Variants in IFT70B observed in about 807,000 individuals in gnomAD.
The protein encoded by IFT70B is intraflagellar transport 70B, also known as intraflagellar transport protein 70B.
chr2:177,552,231 A>G, the IFT70B span: 22 of 1,614,090 alleles, frequency 1.4e-5, no homozygotes, highest in African/African-American at 6.7e-5. Flanking sequence ...CAGGGCGGCA[A>G]AAAACTTGGA....
the IFT70B span, chr2:177,551,937 T>C: frequency 9.3e-6 from 15 of 1,614,082 alleles, no homozygotes; most frequent in African/African-American, 1.9e-4. Context: ...GGGTGGCATG[T>C]CAGTGAGGGC....
the IFT70B span, chr2:177,551,768 T>G: frequency 6.2e-7 from 1 of 1,614,256 alleles, no homozygotes; most frequent in Non-Finnish European, 8.5e-7. Context: ...AATACTCATA[T>G]TTACAGTAGA....
chr2:177,550,704 TA>T, the IFT70B span: 1 of 1,404,820 alleles, frequency 7.1e-7, no homozygotes, highest in Non-Finnish European at 9.7e-7. Context: ...TGCCAAAGGG[TA>T]AATAAAGCGA....
chr2:177,551,280 T>C, the IFT70B span: 1 of 1,613,422 alleles, frequency 6.2e-7, no homozygotes, highest in Non-Finnish European at 8.5e-7. Flanking sequence ...AGCACTGACA[T>C]TCAGGATGTT....
the IFT70B span, chr2:177,551,166 T>A: frequency 1.2e-6 from 2 of 1,614,052 alleles, no homozygotes; most frequent in Non-Finnish European, 1.7e-6. Context: ...TGGGTCATCA[T>A]AAGAGAGCTG....
chr2:177,551,992 C>G, the IFT70B span: 3 of 1,614,060 alleles, frequency 1.9e-6, no homozygotes, highest in Non-Finnish European at 2.5e-6. Context: ...TCTATAGCTG[C>G]CTTAAGGTTG....
At chr2:177,551,554 T>G in the IFT70B span, 1 of 1,614,244 alleles carries the variant, frequency 6.2e-7, no homozygotes, top group Middle Eastern at 1.6e-4. Context: ...TCATCATCTC[T>G]ATTGTGTCTT....
chr2:177,550,034 T>G, the IFT70B span: 1 of 152,222 alleles, frequency 6.6e-6, no homozygotes, highest in African/African-American at 2.4e-5. Context: ...CCCTGAGTTC[T>G]CAGGATAGCT....
At chr2:177,551,684 G>A in the IFT70B span, 2 of 1,614,064 alleles carry the variant, frequency 1.2e-6, no homozygotes, top group East Asian at 2.2e-5. Flanking sequence ...CGTCCAAGAA[G>A]TCATAGAGAT....
the IFT70B span, chr2:177,552,697 G>C: frequency 5.0e-6 from 8 of 1,598,904 alleles, no homozygotes; most frequent in African/African-American, 1.3e-5. Flanking sequence ...CGTGCATTGC[G>C]GATGAGGCGG....
the IFT70B span, chr2:177,550,289 C>T: frequency 6.6e-6 from 1 of 152,352 alleles, no homozygotes. Flanking sequence ...GAATTATATC[C>T]ATATGAATAA....
chr2:177,550,502 A>G, the IFT70B span: 2 of 303,872 alleles, frequency 6.6e-6, no homozygotes, highest in African/African-American at 4.4e-5. Flanking sequence ...AAAAGATAAC[A>G]GAGGAAAGGA....
chr2:177,551,777 G>C, the IFT70B span: 1 of 1,614,242 alleles, frequency 6.2e-7, no homozygotes, highest in African/African-American at 1.3e-5. Flanking sequence ...ATTTACAGTA[G>C]AGCAGCAACA....
the IFT70B span, chr2:177,549,191 T>C: frequency 6.6e-6 from 1 of 152,190 alleles, no homozygotes; most frequent in Non-Finnish European, 1.5e-5. Flanking sequence ...TGGGATGCAG[T>C]GAAGAGGTCA....
the IFT70B span, chr2:177,551,161 C>G: frequency 4.4e-4 from 705 of 1,614,054 alleles, 1 homozygote; most frequent in African/African-American, 7.8e-3. Context: ...TTATCTGGGT[C>G]ATCATAAGAG....
the IFT70B span, chr2:177,551,575 C>G: frequency 6.2e-7 from 1 of 1,614,162 alleles, no homozygotes; most frequent in South Asian, 1.1e-5. Flanking sequence ...GCTTCCTGTA[C>G]TTGTATGGTA....
chr2:177,551,924 C>T, the IFT70B span: 37 of 1,614,198 alleles, frequency 2.3e-5, no homozygotes, highest in East Asian at 8.2e-4. Context: ...CTTCCTCTGC[C>T]CTGGGTGGCA....
At chr2:177,552,657 C>G in the IFT70B span, 134 of 1,590,170 alleles carry the variant, frequency 8.4e-5, no homozygotes, top group East Asian at 2.0e-3. Flanking sequence ...CTGCAGTTCT[C>G]CGCCCAGCAG....
At chr2:177,552,325 C>G in the IFT70B span, 3 of 1,614,258 alleles carry the variant, frequency 1.9e-6, no homozygotes, top group Non-Finnish European at 2.5e-6. Flanking sequence ...CCCCCACTTT[C>G]CTCTCCCCCT....
Sources: allele counts gnomAD v4.1 joint callset, GRCh38; gene constraint gnomAD v4.1.1; transcripts MANE v1.5; gene names NCBI Gene and HGNC (gene_info 2026-07-23, HGNC 2026-07-21).